PAPOLA: variants seen among roughly 807,000 people sequenced by gnomAD.
PAPOLA encodes the protein polynucleotide adenylyltransferase alpha.
Under a neutral mutation model 100.6 loss-of-function variants are expected in PAPOLA, and 15 were observed. The ratio of observed to expected loss-of-function variants is 0.15; its 90% CI spans 0.10 to 0.23. The LOEUF is 0.23. Ranked by LOEUF, PAPOLA falls within the 10% of genes least tolerant of loss-of-function variation. PAPOLA has a pLI of 1.00. For missense variants in PAPOLA, 533 were observed against 884.2 expected, an observed-to-expected ratio of 0.60 and a Z score of 5.04; for synonymous variants, 293 against 300.0, an observed-to-expected ratio of 0.98 and a Z score of 0.24.
chr14:96,561,102 T>C (rs914562106), intron 20 of PAPOLA, among the ~76,000 whole-genome samples: 5 of 152,224 alleles, frequency 3.3e-5, no homozygotes, highest in Admixed American at 2.6e-4. Flanking sequence ...GGATTTTTGA[T>C]AGTCCGGGCT....
At chr14:96,550,014 G>T (rs1405724514) in intron 16 of PAPOLA, among the ~76,000 whole-genome samples, 4 of 152,144 alleles carry the variant, frequency 2.6e-5, no homozygotes, top group Admixed American at 2.6e-4. Flanking sequence ...GAGAATGGTG[G>T]CCTGGGCCTT....
chr14:96,502,650 G>T lies in PAPOLA; in HGVS notation c.8+50G>T, dbSNP rs758867870. On this transcript the variant is annotated intron_variant, in intron 1 of 21. Coordinates refer to ENST00000216277, the MANE Select transcript of PAPOLA (RefSeq NM_032632.5). ...TTTCGCTCGCCGGCTGGGCCTTGGG[G>T]GGCGTCCGGGAAGGGGAAGAGGTAG... 5 of 1,555,170 alleles carry T rather than the reference G, an allele frequency of 3.2e-6. No individual in the cohort carries two copies. The African/African-American group carries it at 7.0e-5, about 22-fold the overall frequency.
At chr14:96,513,832 C>T (rs1897257408) in intron 1 of PAPOLA, among the ~76,000 whole-genome samples, 1 of 152,160 alleles carries the variant, frequency 6.6e-6, no homozygotes, top group South Asian at 2.1e-4. Flanking sequence ...TTTGCTTTAA[C>T]TTTCCTTATG....
Position 96,556,286 on chromosome 14 carries a change from C to T in PAPOLA, c.1877C>T (p.Pro626Leu). 6.2e-7 allele frequency: 1 copy of T among 1,614,052 alleles called. No individual in the cohort carries two copies. The highest frequency in any genetic ancestry group is 8.5e-7 in the Non-Finnish European group (1 of 1,179,990). The change falls in exon 19 of 22, where the codon CCT (proline) becomes CTT (leucine). Residue 626 changes from proline to leucine, a missense_variant. By Grantham distance (98) the Pro-to-Leu change is moderately conservative. Around this residue, in one of 9 missense-constraint regions of PAPOLA, gnomAD observed 242 missense variants for 281.0 expected, o/e 0.86. Coordinates refer to ENST00000216277, the MANE Select transcript of PAPOLA (RefSeq NM_032632.5). ...TCAACACGTCTGGTAAACCCACCAC[C>T]TAGATCTTCAGGAAATGCAGCAACT... ...VSSTRLVNPP[P>L]RSSGNAATSG...
chr14:96,558,824 A>G (rs893033440), intron 19 of PAPOLA, among the ~76,000 whole-genome samples: 2 of 152,126 alleles, frequency 1.3e-5, no homozygotes, highest in East Asian at 1.9e-4. Context: ...AAAATTAACA[A>G]TTTATTAATA....
chr14:96,562,761 G>C, intron 20 of PAPOLA, 58 bp from the exon 21 acceptor site: 1 of 1,050,454 alleles, frequency 9.5e-7, no homozygotes, highest in Non-Finnish European at 1.5e-6. Context: ...ACCCAGTTAT[G>C]TTCTTTTATT....
intron 3 of PAPOLA, among the ~76,000 whole-genome samples, chr14:96,521,291 CTTTG>C (rs994800454): frequency 3.3e-5 from 5 of 152,032 alleles, no homozygotes; most frequent in African/African-American, 4.8e-5. Flanking sequence ...GTATAGTACT[CTTTG>C]TTTGGAACAT....
chr14:96,523,757 A>G (rs1401216847), intron 3 of PAPOLA, among the ~76,000 whole-genome samples: 2 of 152,308 alleles, frequency 1.3e-5, no homozygotes, highest in East Asian at 3.9e-4. Flanking sequence ...AGCCTGACTA[A>G]CATGGTGAAA....
At chr14:96,531,205 G>C (rs542754022) in intron 6 of PAPOLA, among the ~76,000 whole-genome samples, 6 of 152,074 alleles carry the variant, frequency 3.9e-5, no homozygotes, top group African/African-American at 1.4e-4. Context: ...GGTTCACCGT[G>C]TTAGCCAGGA....
chr14:96,533,576 A>T (rs1899245309), intron 9 of PAPOLA: 4 of 895,434 alleles, frequency 4.5e-6, no homozygotes, highest in Non-Finnish European at 5.2e-6. Context: ...TTTGTTTGAG[A>T]CGGAGTCTCA....
intron 12 of PAPOLA, chr14:96,537,853 G>A (rs564913472): frequency 6.6e-6 from 1 of 151,812 alleles, no homozygotes; most frequent in Non-Finnish European, 1.5e-5. Flanking sequence ...AATAATCTAA[G>A]CAAGATTGCT....
chr14:96,524,688 T>G (rs755401130), intron 3 of PAPOLA, among the ~76,000 whole-genome samples: 2 of 152,166 alleles, frequency 1.3e-5, no homozygotes, highest in African/African-American at 2.4e-5. Context: ...GCCCAGCTAA[T>G]TTTTAAAACA....
At chr14:96,511,775 G>A (rs1897125010) in intron 1 of PAPOLA, among the ~76,000 whole-genome samples, 1 of 152,158 alleles carries the variant, frequency 6.6e-6, no homozygotes, top group Admixed American at 6.5e-5. Context: ...TCTGACAAAA[G>A]GTAGATGAGA....
At chr14:96,532,307 T>G (rs767109398) in intron 7 of PAPOLA, 24 bp from the exon 8 acceptor site, 106 of 1,533,238 alleles carry the variant, frequency 6.9e-5, no homozygotes, top group Non-Finnish European at 8.5e-5. Flanking sequence ...TGTGTGTGTG[T>G]TTTTTTTTAC....
chr14:96,542,444 A>T (rs1900068115), intron 13 of PAPOLA, 148 bp downstream of exon 13: 3 of 585,662 alleles, frequency 5.1e-6, no homozygotes, highest in Non-Finnish European at 9.1e-6. Flanking sequence ...GTGTAGTGGA[A>T]GTACAGAAAT....
intron 14 of PAPOLA, among the ~76,000 whole-genome samples, 182 bp from the exon 15 acceptor site, chr14:96,543,967 A>G (rs1595542705): frequency 6.6e-6 from 1 of 152,200 alleles, no homozygotes; most frequent in Non-Finnish European, 1.5e-5. Flanking sequence ...TTTATGTTGT[A>G]GTAGGAATAT....
At chr14:96,549,449 C>T (rs1338027776) in intron 16 of PAPOLA, among the ~76,000 whole-genome samples, 2 of 151,882 alleles carry the variant, frequency 1.3e-5, no homozygotes, top group Non-Finnish European at 2.9e-5. Context: ...GGGGTTTCAC[C>T]GTGTTAGCCA....
intron 14 of PAPOLA, among the ~76,000 whole-genome samples, chr14:96,543,898 A>AT (rs1391654754): frequency 1.3e-5 from 2 of 151,992 alleles, no homozygotes; most frequent in African/African-American, 2.4e-5. Flanking sequence ...TAGAATCATC[A>AT]TTAAGGACAT....
chr14:96,550,317 T>A (rs996783593), intron 16 of PAPOLA, among the ~76,000 whole-genome samples: 1 of 152,212 alleles, frequency 6.6e-6, no homozygotes, highest in Non-Finnish European at 1.5e-5. Flanking sequence ...TTTCTCAGAA[T>A]CATATATTCA....
Sources: gnomAD v4.1 joint callset for allele counts (sites outside exome capture counted in the v4.1 genomes callset) on GRCh38, gnomAD v4.1.1 for gene constraint, gnomAD v4.1.1 regional missense constraint, MANE v1.5 for transcripts, NCBI Gene and HGNC (gene_info 2026-07-23, HGNC 2026-07-21) for gene names.